ATP8A2: variants seen among roughly 807,000 people sequenced by gnomAD.
ATP8A2 encodes ATPase phospholipid transporting 8A2, also known as phospholipid-transporting ATPase IB.
In ATP8A2, 100 loss-of-function variants were observed where a neutral mutation model predicts 165.6. That is an observed-to-expected ratio of 0.60 (90% CI 0.51 to 0.71). ATP8A2 has a LOEUF of 0.71. Among genes scored for constraint, ATP8A2 ranks in the 30% least tolerant of loss-of-function variants. ATP8A2 has a pLI of 0.00. For synonymous variants in ATP8A2, 543 were observed against 548.8 expected (o/e 0.99, Z 0.15); for missense variants, 1,227 against 1,479.5 (o/e 0.83, Z 2.80).
At chr13:25,635,060 T>G (rs1208443112) in intron 24 of ATP8A2, among the ~76,000 whole-genome samples, 2 of 152,196 alleles carry the variant, frequency 1.3e-5, no homozygotes, top group Non-Finnish European at 2.9e-5. Context: ...GTGTGCTGTT[T>G]CAGTGTCAGC....
At position 25,723,339 on chromosome 13, in the gene ATP8A2, A is replaced by G. The variant is rs550538412; in HGVS notation, c.2384+23994A>G. On this transcript the variant is annotated intron_variant, in intron 25 of 36. Coordinates refer to ENST00000381655, the MANE Select transcript of ATP8A2 (RefSeq NM_016529.6). The stretch of plus-strand genomic sequence containing the variant: ...GTATTTTCAATTTATTTTAATCTTT[A>G]CCAGCCTCGTGAATATTAAATGCTA... Among the ~76,000 whole-genome samples the G allele has an allele frequency of 7.2e-5, 11 of 152,288 alleles. No individual in the cohort carries two copies. The South Asian group carries it at 2.3e-3, about 32-fold the overall frequency.
chr13:25,973,927 CTAT>C, intron 35 of ATP8A2, among the ~76,000 whole-genome samples: 1 of 152,210 alleles, frequency 6.6e-6, no homozygotes, highest in East Asian at 1.9e-4. Flanking sequence ...CCTAAAATAC[CTAT>C]TATTGGCTTT....
Position 25,553,815 on chromosome 13 carries a change from A to G in ATP8A2, c.1080A>G (p.Gly360=). The G allele has an allele frequency of 6.2e-7, 1 of 1,613,626 alleles. No individual in the cohort carries two copies. The highest frequency in any genetic ancestry group is 1.3e-5 in the African/African-American group (1 of 75,036). The change falls in exon 12 of 37, where the codon GGA becomes GGG. Residue 360 remains glycine (G), a synonymous_variant. Transcript: ENST00000381655. ...KKMDTTSDNF[G]YNLLTFIILY... is the part of the protein sequence containing the mutation. ...CAGACACCACCTCAGATAATTTTGGATACAACCTACTGACGTTCATCATCT... is the reference window on the plus strand; with the variant it reads ...CAGACACCACCTCAGATAATTTTGGGTACAACCTACTGACGTTCATCATCT...
At chr13:25,604,052 G>A (rs995180821) in intron 24 of ATP8A2, among the ~76,000 whole-genome samples, 6 of 151,818 alleles carry the variant, frequency 4.0e-5, no homozygotes, top group Non-Finnish European at 8.8e-5. Flanking sequence ...GGGGTGGGGG[G>A]TACTTCATTG....
intron 33 of ATP8A2, among the ~76,000 whole-genome samples, chr13:25,915,301 C>T (rs188884984): frequency 8.9e-4 from 135 of 152,288 alleles, no homozygotes; most frequent in African/African-American, 3.0e-3. Flanking sequence ...ACAGAGAAGC[C>T]AGGCTAATTA....
chr13:25,798,725 G>C (rs1157479813), intron 27 of ATP8A2, among the ~76,000 whole-genome samples: 1 of 152,152 alleles, frequency 6.6e-6, no homozygotes, highest in Non-Finnish European at 1.5e-5. Flanking sequence ...AGCTCCAGTT[G>C]AATGATCTTT....
chr13:25,432,661 G>A (rs955642529), intron 1 of ATP8A2, among the ~76,000 whole-genome samples: 15 of 140,090 alleles, frequency 1.1e-4, no homozygotes, highest in Non-Finnish European at 2.2e-4. Flanking sequence ...TTTTCTTCCT[G>A]TCATTTTTTT....
At chr13:25,512,780 G>A (rs2037290224) in intron 2 of ATP8A2, among the ~76,000 whole-genome samples, 1 of 144,478 alleles carries the variant, frequency 6.9e-6, no homozygotes, top group Admixed American at 6.8e-5. Context: ...GGCCAGGCAG[G>A]GGGCTGACCC....
chr13:26,012,500 C>T, intron 35 of ATP8A2, 31 bp from the exon 36 acceptor site: 3 of 1,529,266 alleles, frequency 2.0e-6, no homozygotes, highest in Non-Finnish European at 2.6e-6. Flanking sequence ...GTTCAGGTGA[C>T]AAGAGACTGA....
At chr13:25,569,833 T>A (rs1240600322) in intron 16 of ATP8A2, among the ~76,000 whole-genome samples, 1 of 152,218 alleles carries the variant, frequency 6.6e-6, no homozygotes, top group Non-Finnish European at 1.5e-5. Context: ...ATTCCATTCA[T>A]AATATAAAAG....
chr13:25,664,586 G>A (rs996095466), intron 24 of ATP8A2, among the ~76,000 whole-genome samples: 2 of 152,210 alleles, frequency 1.3e-5, no homozygotes, highest in African/African-American at 2.4e-5. Context: ...CCAGCGGGCA[G>A]TGGTTACTGG....
chr13:25,690,100 G>C (rs907763692), intron 24 of ATP8A2, among the ~76,000 whole-genome samples: 9 of 150,446 alleles, frequency 6.0e-5, no homozygotes, highest in Admixed American at 1.3e-4. Context: ...AATATCTTTT[G>C]AGAAATGAAA....
intron 24 of ATP8A2, among the ~76,000 whole-genome samples, chr13:25,608,551 G>A (rs2040577674): frequency 6.6e-6 from 1 of 152,114 alleles, no homozygotes; most frequent in African/African-American, 2.4e-5. Context: ...TATATGGTTA[G>A]GAAAAATCTT....
chr13:25,849,281 A>G (rs1457322732), intron 30 of ATP8A2, among the ~76,000 whole-genome samples: 1 of 152,198 alleles, frequency 6.6e-6, no homozygotes, highest in African/African-American at 2.4e-5. Context: ...AAAAGTATAC[A>G]TGTAAATCCA....
chr13:25,449,439 T>C (rs2035154312), intron 1 of ATP8A2, among the ~76,000 whole-genome samples: 1 of 152,194 alleles, frequency 6.6e-6, no homozygotes, highest in African/African-American at 2.4e-5. Context: ...TTAGAGGCCA[T>C]ATGTTATTTC....
At chr13:25,708,579 C>T (rs2043098805) in intron 25 of ATP8A2, among the ~76,000 whole-genome samples, 1 of 152,060 alleles carries the variant, frequency 6.6e-6, no homozygotes, top group Non-Finnish European at 1.5e-5. Context: ...CAGTATTCTG[C>T]CTATGACTTT....
chr13:25,718,063 G>C (rs1016242028), intron 25 of ATP8A2, among the ~76,000 whole-genome samples: 2 of 152,162 alleles, frequency 1.3e-5, no homozygotes, highest in African/African-American at 4.8e-5. Context: ...TGTGTTGCCT[G>C]TTTCAAAATT....
chr13:25,651,937 A>G (rs1357630714), intron 24 of ATP8A2, among the ~76,000 whole-genome samples: 1 of 152,108 alleles, frequency 6.6e-6, no homozygotes, highest in African/African-American at 2.4e-5. Flanking sequence ...TTTATTTAGA[A>G]ATGAAAGATT....
At chr13:25,951,028 A>G (rs1290160460) in intron 33 of ATP8A2, among the ~76,000 whole-genome samples, 2 of 152,202 alleles carry the variant, frequency 1.3e-5, no homozygotes, top group Non-Finnish European at 2.9e-5. Flanking sequence ...ATGCGCCTGC[A>G]CTTGCTTTAT....
Sources: allele counts gnomAD v4.1 joint callset (sites outside exome capture counted in the v4.1 genomes callset), GRCh38; gene constraint gnomAD v4.1.1; transcripts MANE v1.5; gene names NCBI Gene and HGNC (gene_info 2026-07-23, HGNC 2026-07-21).